The following KCNK13 variants were observed in gnomAD, a reference collection of about 807,000 sequenced individuals.
The protein encoded by KCNK13 is potassium two pore domain channel subfamily K member 13.
KCNK13 carries 12 observed loss-of-function variants against 23.4 expected under a neutral mutation model. The observed-to-expected ratio is 0.51, with a 90% CI of 0.33 to 0.83. The LOEUF (loss-of-function observed/expected upper bound fraction) is 0.83. Ranked by LOEUF, KCNK13 falls within the 40% of genes least tolerant of loss-of-function variation. The pLI is 0.02. For synonymous variants in KCNK13, 231 were observed against 229.5 expected (o/e 1.01, Z -0.06); for missense variants, 463 against 556.3 (o/e 0.83, Z 1.69).
intron 1 of KCNK13, among the ~76,000 whole-genome samples, chr14:90,167,527 C>T (rs1399797000): frequency 6.6e-6 from 1 of 152,100 alleles, no homozygotes; most frequent in Non-Finnish European, 1.5e-5. Flanking sequence ...GGATTCAATC[C>T]CAGACATGCT....
Position 90,077,646 on chromosome 14 carries a change from A to G in KCNK13, c.334+15107A>G, listed in dbSNP as rs188634990. On this transcript the variant is annotated intron_variant, in intron 1 of 1. Coordinates refer to ENST00000282146, the MANE Select transcript of KCNK13 (RefSeq NM_022054.4). ...CATTGTCTGATGGCCGTCTGCTGAC[A>G]GTGCTTTCAGCAGATACTATTTCAG... 5.8e-4 allele frequency among the ~76,000 whole-genome samples: 89 copies of G among 152,338 alleles called. No homozygotes were observed. The East Asian group carries it at 0.016, about 27-fold the overall frequency.
At chr14:90,167,040 A>G (rs1173642924) in intron 1 of KCNK13, among the ~76,000 whole-genome samples, 2 of 152,204 alleles carry the variant, frequency 1.3e-5, no homozygotes, top group Non-Finnish European at 2.9e-5. Flanking sequence ...GACTTTGAGC[A>G]AGTTACTTAA....
chr14:90,170,944 A>C lies in KCNK13; in HGVS notation c.335-13167A>C, dbSNP rs148223837. Among the ~76,000 whole-genome samples the C allele has an allele frequency of 6.4e-3, 967 of 152,246 alleles. 7 individuals are homozygous for C. Among genetic ancestry groups the C allele is most frequent in the African/African-American group, 0.022 (933 of 41,542 alleles). ...CCTTGTGGGCAAAATATGGGGGAGGATGTAGCTTTTCATCTTGTAGCCATC... is the reference window on the plus strand; with the variant it reads ...CCTTGTGGGCAAAATATGGGGGAGGCTGTAGCTTTTCATCTTGTAGCCATC... On this transcript the variant is annotated intron_variant, in intron 1 of 1. Transcript: ENST00000282146.
chr14:90,077,975 A>AG, intron 1 of KCNK13, among the ~76,000 whole-genome samples: 1 of 152,352 alleles, frequency 6.6e-6, no homozygotes, highest in Non-Finnish European at 1.5e-5. Flanking sequence ...AGCCTGTCTT[A>AG]TTCCTTCTAG....
intron 1 of KCNK13, among the ~76,000 whole-genome samples, chr14:90,144,659 A>G (rs1256845485): frequency 2.0e-5 from 3 of 151,936 alleles, no homozygotes; most frequent in Non-Finnish European, 2.9e-5. Flanking sequence ...GGGTTTCTCC[A>G]TGTTTGCCTG....
intron 1 of KCNK13, among the ~76,000 whole-genome samples, chr14:90,120,852 T>A (rs150145294): frequency 1.3e-5 from 2 of 152,014 alleles, no homozygotes; most frequent in East Asian, 1.9e-4. Flanking sequence ...AAAGTCCAAG[T>A]CCAAAGTTTC....
chr14:90,066,226 T>C (rs1286924), intron 1 of KCNK13, among the ~76,000 whole-genome samples: 27,510 of 151,260 alleles, frequency 0.18, 2,779 homozygotes, highest in African/African-American at 0.27. Flanking sequence ...TCCTCCTGTC[T>C]CAGCCTCCCA....
chr14:90,172,343 G>A (rs1596810145), intron 1 of KCNK13, among the ~76,000 whole-genome samples: 1 of 151,572 alleles, frequency 6.6e-6, no homozygotes, highest in Admixed American at 6.6e-5. Context: ...GTGATAGAAG[G>A]GCTTGGAAAA....
Position 90,062,427 on chromosome 14 carries a change from C to T in KCNK13, c.222C>T (p.Phe74=). 8 of 1,546,852 alleles carry T rather than the reference C, an allele frequency of 5.2e-6. No homozygotes were observed. Among genetic ancestry groups the T allele is most frequent in the Non-Finnish European group, 7.0e-6 (8 of 1,145,662 alleles). Residue 74 remains phenylalanine (F), a synonymous_variant, in exon 1 of 2, where the codon TTC becomes TTT. Coordinates refer to ENST00000282146, the MANE Select transcript of KCNK13 (RefSeq NM_022054.4). This position sits in a 1 kb window ranked among gnomAD's most constrained non-coding sequence, Gnocchi z 4.5. ...HNLSRDELRG[F]LRHYEEATRA... ...TGAGCCGCGACGAGCTGCGCGGCTTCCTCCGCCACTACGAGGAGGCCACTC... is the reference window on the plus strand; with the variant it reads ...TGAGCCGCGACGAGCTGCGCGGCTTTCTCCGCCACTACGAGGAGGCCACTC...
intron 1 of KCNK13, among the ~76,000 whole-genome samples, chr14:90,172,969 C>T (rs1187169819): frequency 2.0e-5 from 3 of 152,184 alleles, no homozygotes; most frequent in African/African-American, 7.2e-5. Flanking sequence ...CCCAGCAAAC[C>T]TGCCCCCTTC....
intron 1 of KCNK13, among the ~76,000 whole-genome samples, chr14:90,064,448 TG>T (rs1226169853): frequency 6.6e-6 from 1 of 151,992 alleles, no homozygotes; most frequent in African/African-American, 2.4e-5. Context: ...ACATGGGCTT[TG>T]GGGATACGAA....
At chr14:90,154,152 C>G (rs1890167160) in intron 1 of KCNK13, among the ~76,000 whole-genome samples, 1 of 152,204 alleles carries the variant, frequency 6.6e-6, no homozygotes, top group Non-Finnish European at 1.5e-5. Context: ...CCCTTGCCAA[C>G]AGTCCTGAAT....
intron 1 of KCNK13, among the ~76,000 whole-genome samples, chr14:90,111,010 CA>C (rs11352357): frequency 0.68 from 96,697 of 142,694 alleles, 32,306 homozygotes; most frequent in East Asian, 0.91. Context: ...ACTTTTGTCT[CA>C]AAAAAAAAAA....
chr14:90,140,368 G>C (rs1889991189), intron 1 of KCNK13, among the ~76,000 whole-genome samples: 1 of 152,184 alleles, frequency 6.6e-6, no homozygotes, highest in Non-Finnish European at 1.5e-5. Context: ...GGTTCTTGAA[G>C]ACCCATTGAG....
chr14:90,089,654 G>A (rs1212279722), intron 1 of KCNK13, among the ~76,000 whole-genome samples: 1 of 152,232 alleles, frequency 6.6e-6, no homozygotes, highest in Non-Finnish European at 1.5e-5. Flanking sequence ...TCCAGGGCAT[G>A]TCAGAGGTTT....
intron 1 of KCNK13, among the ~76,000 whole-genome samples, chr14:90,177,532 A>G (rs924234211): frequency 6.6e-6 from 1 of 152,148 alleles, no homozygotes; most frequent in African/African-American, 2.4e-5. Context: ...CTTTCCTCTT[A>G]TAGATAATTG....
intron 1 of KCNK13, among the ~76,000 whole-genome samples, chr14:90,096,323 G>C (rs1031557633): frequency 6.6e-6 from 1 of 152,044 alleles, no homozygotes; most frequent in Non-Finnish European, 1.5e-5. Context: ...AACTACCTAG[G>C]GGCTGCCAGT....
rs1184829907 is a variant in KCNK13 at position 90,063,442 on chromosome 14, T to C, written c.334+903T>C. ...GTCTGCGCCACACCCCTAAAGATTG[T>C]TCATCCTTGAAGAATAATCAAGTGA... On this transcript the variant is annotated intron_variant, in intron 1 of 1. Transcript: ENST00000282146. Among the ~76,000 whole-genome samples, 3 of 152,074 alleles carry C rather than the reference T, an allele frequency of 2.0e-5. No homozygotes were observed. In the East Asian group the frequency reaches 5.8e-4, roughly 29 times the overall value.
intron 1 of KCNK13, among the ~76,000 whole-genome samples, chr14:90,146,912 G>A (rs1020118519): frequency 6.6e-6 from 1 of 151,094 alleles, no homozygotes; most frequent in East Asian, 1.9e-4. Flanking sequence ...GTCTTTGTTG[G>A]CTTATTAGTT....
Sources: gnomAD v4.1 joint callset for allele counts (sites outside exome capture counted in the v4.1 genomes callset) on GRCh38, gnomAD v4.1.1 for gene constraint, Gnocchi (gnomAD v3.1) non-coding constraint, MANE v1.5 for transcripts, NCBI Gene and HGNC (gene_info 2026-07-23, HGNC 2026-07-21) for gene names.